RCSD1: variants seen among roughly 807,000 people sequenced by gnomAD.
RCSD1 encodes RCSD domain containing 1.
In RCSD1, 26 loss-of-function variants were observed where a neutral mutation model predicts 42.5. The observed-to-expected ratio is 0.61, with a 90% confidence interval of 0.45 to 0.85. The LOEUF (loss-of-function observed/expected upper bound fraction) is 0.85, where lower values mean the gene tolerates loss of function less well. RCSD1 is among the 40% of genes least tolerant of loss of function. The probability of loss-of-function intolerance (pLI) is 0.00; values close to 1 mark genes in which losing one functional copy is unlikely to be tolerated. For synonymous variants in RCSD1, 220 were observed against 212.2 expected, an observed-to-expected ratio of 1.04 and a Z score of -0.32; for missense variants, 571 against 528.3, an observed-to-expected ratio of 1.08 and a Z score of -0.79.
At chr1:167,691,861 C>CA (rs1558091741) in intron 4 of RCSD1, among the ~76,000 whole-genome samples, 6 of 152,160 alleles carry the variant, frequency 3.9e-5, no homozygotes. Flanking sequence ...CAGGAGGCTG[C>CA]AGGGCTCCTA....
chr1:167,690,167 C>T, intron 4 of RCSD1, 47 bp downstream of exon 4: 1 of 1,577,638 alleles, frequency 6.3e-7, no homozygotes, highest in Non-Finnish European at 8.7e-7. Context: ...TCTAACTCCA[C>T]TTCTTATCCA....
intron 1 of RCSD1, among the ~76,000 whole-genome samples, chr1:167,639,822 A>T (rs141130808): frequency 1.3e-5 from 2 of 152,340 alleles, no homozygotes; most frequent in Admixed American, 1.3e-4. Flanking sequence ...AAATGCCAAG[A>T]GACCCAGAGC....
intron 3 of RCSD1, among the ~76,000 whole-genome samples, chr1:167,689,063 A>G (rs1659309860): frequency 6.6e-6 from 1 of 152,224 alleles, no homozygotes; most frequent in Non-Finnish European, 1.5e-5. Flanking sequence ...AACAGAGAGT[A>G]CGTATGATTA....
rs61747295 is a variant in RCSD1, at chr1:167,697,572, G to C, written c.948G>C (p.Glu316Asp). ...AAGCAGAGATGGAAAAGGCTACAGA[G>C]GTGAAGGGGGAGAGGGTGCAAAATG... ...GEEAEMEKAT[E>D]VKGERVQNEE... The change falls in exon 6 of 7, where the codon GAG becomes GAC. Residue 316 changes from glutamate (E) to aspartate (D), a missense_variant. Physicochemically the swap from Glu to Asp is conservative, Grantham distance 45 (BLOSUM62 2). Transcript: ENST00000367854. The C allele has an allele frequency of 1.2e-3, 1,907 of 1,607,754 alleles. 21 individuals are homozygous for C. In the African/African-American group the frequency reaches 0.023, roughly 20 times the overall value.
intron 1 of RCSD1, among the ~76,000 whole-genome samples, chr1:167,679,358 C>T (rs1275988502): frequency 6.6e-6 from 1 of 152,228 alleles, no homozygotes; most frequent in African/African-American, 2.4e-5. Context: ...TCAAATGGAC[C>T]TACCTGGTTC....
chr1:167,703,157 A>G (rs1659682903), intron 6 of RCSD1, among the ~76,000 whole-genome samples: 1 of 152,200 alleles, frequency 6.6e-6, no homozygotes, highest in Non-Finnish European at 1.5e-5. Context: ...GCAGGTCAAC[A>G]GACTCAGTTC....
chr1:167,680,902 T>C (rs1659067560), intron 1 of RCSD1, among the ~76,000 whole-genome samples: 1 of 152,196 alleles, frequency 6.6e-6, no homozygotes, highest in Non-Finnish European at 1.5e-5. Flanking sequence ...GAAACTGAAG[T>C]TCTCAGACCT....
At chr1:167,635,914 A>C (rs1017368171) in intron 1 of RCSD1, among the ~76,000 whole-genome samples, 2 of 152,200 alleles carry the variant, frequency 1.3e-5, no homozygotes, top group Non-Finnish European at 2.9e-5. Context: ...CAGAAGTAAG[A>C]CAGAAGGATG....
intron 3 of RCSD1, among the ~76,000 whole-genome samples, chr1:167,689,064 C>T (rs1253433958): frequency 6.6e-6 from 1 of 152,174 alleles, no homozygotes; most frequent in South Asian, 2.1e-4. Context: ...ACAGAGAGTA[C>T]GTATGATTAT....
At chr1:167,689,493 A>AAAAG (rs1558090839) in intron 3 of RCSD1, among the ~76,000 whole-genome samples, 3 of 137,078 alleles carry the variant, frequency 2.2e-5, no homozygotes, top group East Asian at 4.0e-4. Context: ...AAAAAAAAAA[A>AAAAG]AAAAGAAAAG....
intron 1 of RCSD1, among the ~76,000 whole-genome samples, 182 bp from the exon 2 acceptor site, chr1:167,683,718 T>C (rs1659142344): frequency 6.6e-6 from 1 of 152,206 alleles, no homozygotes; most frequent in South Asian, 2.1e-4. Flanking sequence ...AAGAGCATTG[T>C]AGATATTCAC....
rs1427208988 is a variant in RCSD1 at position 167,697,010 on chromosome 1, C to T, written c.475-89C>T. On this transcript the variant is annotated intron_variant, in intron 5 of 6. Coordinates refer to ENST00000367854, the MANE Select transcript of RCSD1 (RefSeq NM_052862.4). ...CCTTGCGTGGACTTGTGAAGCAGTG[C>T]ACCAGACTGACATTGAAAGTGCATA... is the stretch of plus-strand genomic sequence containing the variant. The T allele has an allele frequency of 1.9e-5, 23 of 1,231,776 alleles. No individual in the cohort carries two copies. The Admixed American group carries it at 5.4e-4, about 29-fold the overall frequency. The allele number at this position is 1,231,776 out of a possible 1,614,324, so 76.3% of individuals were successfully genotyped here. A position where few individuals can be genotyped will look rare whatever the true frequency, so the allele number is the denominator to read the frequency against.
At chr1:167,678,312 C>G (rs1054512695) in intron 1 of RCSD1, among the ~76,000 whole-genome samples, 10 of 152,160 alleles carry the variant, frequency 6.6e-5, no homozygotes, top group Non-Finnish European at 1.5e-4. Context: ...TGCATTGCAT[C>G]TCCACTTAGA....
At chr1:167,669,973 C>T (rs1171417301) in intron 1 of RCSD1, among the ~76,000 whole-genome samples, 1 of 122,268 alleles carries the variant, frequency 8.2e-6, no homozygotes, top group African/African-American at 3.5e-5. Flanking sequence ...GACAAGTGTC[C>T]CAGACCTCAG....
rs1330883630 is a variant in RCSD1, at chr1:167,707,022, C to T, written c.*2326C>T. 1.3e-5 allele frequency among the ~76,000 whole-genome samples: 2 copies of T among 152,206 alleles called. No individual in the cohort carries two copies. Among genetic ancestry groups the T allele is most frequent in the African/African-American group, 4.8e-5 (2 of 41,452 alleles). ...ACAGAGTTAAAGAAATAGTCATAGT[C>T]ATTCTTCCACGATCTTTGTAGTCTA... On this transcript the variant is annotated 3_prime_UTR_variant, in exon 7 of 7. Coordinates refer to ENST00000367854, the MANE Select transcript of RCSD1 (RefSeq NM_052862.4).
intron 1 of RCSD1, among the ~76,000 whole-genome samples, chr1:167,672,167 T>C (rs932025889): frequency 6.6e-6 from 1 of 152,184 alleles, no homozygotes; most frequent in Admixed American, 6.5e-5. Context: ...ACCACTCACA[T>C]ACTATACATT....
At chr1:167,666,373 T>A (rs1304288863) in intron 1 of RCSD1, among the ~76,000 whole-genome samples, 3 of 152,244 alleles carry the variant, frequency 2.0e-5, no homozygotes, top group Non-Finnish European at 2.9e-5. Context: ...GCACAGTACC[T>A]GGCACAATAA....
chr1:167,660,933 C>G (rs1197795166), intron 1 of RCSD1, among the ~76,000 whole-genome samples: 1 of 152,152 alleles, frequency 6.6e-6, no homozygotes, highest in Non-Finnish European at 1.5e-5. Flanking sequence ...TGGCCTCCAC[C>G]AAAATGAGGT....
In RCSD1 at chr1:167,690,066, G is replaced by C; in HGVS notation, c.216G>C (p.Ala72=). The C allele has an allele frequency of 6.2e-7, 1 of 1,613,996 alleles. No individual in the cohort carries two copies. Among genetic ancestry groups the C allele is most frequent in the South Asian group, 1.1e-5 (1 of 91,070 alleles). ...CTCCATAGAAATCACCACCCAATGC[G>C]AGCCACCCTCCTAAATTCAAGGTCA... The part of the protein sequence containing the change: ...QNGEEKSPPN[A]SHPPKFKVKS... The change falls in exon 4 of 7, where the codon GCG becomes GCC. Residue 72 remains alanine, a synonymous_variant. Coordinates refer to ENST00000367854, the MANE Select transcript of RCSD1 (RefSeq NM_052862.4).
Sources: gnomAD v4.1 joint callset for allele counts (sites outside exome capture counted in the v4.1 genomes callset) on GRCh38, gnomAD v4.1.1 for gene constraint, MANE v1.5 for transcripts, NCBI Gene and HGNC (gene_info 2026-07-23, HGNC 2026-07-21) for gene names.